The following STK32A variants were observed in gnomAD, a reference collection of about 807,000 sequenced individuals.
The protein encoded by STK32A is serine/threonine-protein kinase 32A.
STK32A carries 41 observed loss-of-function variants against 53.2 expected under a neutral mutation model. The observed-to-expected ratio is 0.77, with a 90% CI of 0.60 to 1.00. The LOEUF (loss-of-function observed/expected upper bound fraction) is 1.00, where lower values mean the gene tolerates loss of function less well. STK32A is among the 50% of genes least tolerant of loss of function. The probability of loss-of-function intolerance (pLI) is 0.00; values close to 1 mark genes in which losing one functional copy is unlikely to be tolerated. For synonymous variants in STK32A, 166 were observed against 162.8 expected, an observed-to-expected ratio of 1.02 and a Z score of -0.15; for missense variants, 458 against 485.8, an observed-to-expected ratio of 0.94 and a Z score of 0.54.
the STK32A span, chr5:147,395,490 C>T: frequency 6.5e-7 from 1 of 1,531,830 alleles, no homozygotes; most frequent in Non-Finnish European, 8.8e-7. Flanking sequence ...GAGGAACACC[C>T]TGTGGCCTCA....
chr5:147,258,700 A>G (rs201363332), intron 2 of STK32A, among the ~76,000 whole-genome samples: 1 of 149,720 alleles, frequency 6.7e-6, no homozygotes, highest in Admixed American at 6.7e-5. Context: ...TTTTTTTTTA[A>G]GATAATCATT....
At chr5:147,394,188 C>T in the STK32A span, 1 of 1,533,426 alleles carries the variant, frequency 6.5e-7, no homozygotes. Flanking sequence ...GGGATGTGGG[C>T]AAGAGAGAAA....
chr5:147,288,781 G>A (rs1752464187), intron 4 of STK32A, among the ~76,000 whole-genome samples: 1 of 152,216 alleles, frequency 6.6e-6, no homozygotes, highest in South Asian at 2.1e-4. Context: ...TCCAGCATTG[G>A]GGATTACAAT....
intron 7 of STK32A, among the ~76,000 whole-genome samples, chr5:147,358,288 T>G (rs1028646350): frequency 6.6e-6 from 1 of 152,096 alleles, no homozygotes; most frequent in African/African-American, 2.4e-5. Context: ...TATTGCCAAG[T>G]GTGGGTAAGG....
At chr5:147,398,158 T>C in the STK32A span, among the ~76,000 whole-genome samples, 1 of 152,210 alleles carries the variant, frequency 6.6e-6, no homozygotes, top group African/African-American at 2.4e-5. Context: ...CTGTCTTGTA[T>C]TGAGCAGGTG....
intron 5 of STK32A, among the ~76,000 whole-genome samples, chr5:147,339,538 A>G (rs1033612454): frequency 3.3e-5 from 5 of 152,246 alleles, no homozygotes; most frequent in African/African-American, 1.2e-4. Flanking sequence ...ACCATCTTCC[A>G]GACACCAGAA....
chr5:147,388,766 A>C (rs560856797), downstream of STK32A, among the ~76,000 whole-genome samples: 137 of 152,276 alleles, frequency 9.0e-4, no homozygotes, highest in African/African-American at 3.2e-3. Flanking sequence ...GCCACTGAAC[A>C]GCTCCACCCT....
intron 3 of STK32A, 98 bp from the exon 4 acceptor site, chr5:147,279,149 G>A: frequency 8.5e-7 from 1 of 1,177,264 alleles, no homozygotes; most frequent in Non-Finnish European, 1.1e-6. Context: ...CAAATGTTAA[G>A]GATCCAAGCC....
intron 4 of STK32A, among the ~76,000 whole-genome samples, chr5:147,280,352 C>A (rs901484430): frequency 2.6e-4 from 35 of 134,064 alleles, no homozygotes; most frequent in African/African-American, 8.1e-4. Flanking sequence ...GAGCCTGGGG[C>A]AGGTTTTCAA....
rs1350187994 is a variant in STK32A at position 147,265,079 on chromosome 5, C to T, written c.53-13045C>T. On this transcript the variant is annotated intron_variant, in intron 2 of 12. Transcript: ENST00000397936. Reference sequence around the variant, plus strand: ...GTATTTTTTATACTGATAGCATATTCGTTTTATATATATGTGTGTATATAT... The same window carrying T: ...GTATTTTTTATACTGATAGCATATTTGTTTTATATATATGTGTGTATATAT... Among the ~76,000 whole-genome samples, 5 of 89,282 alleles carry T rather than the reference C, an allele frequency of 5.6e-5. No homozygotes were observed. In the South Asian group the frequency reaches 8.9e-4, roughly 16 times the overall value. The allele number at this position is 89,282 out of a possible 152,430, so 58.6% of individuals were successfully genotyped here.
the STK32A span, chr5:147,400,958 C>T: frequency 0.24 from 305,387 of 1,249,756 alleles, 38,898 homozygotes; most frequent in East Asian, 0.38. Flanking sequence ...GCCTCCTCTA[C>T]CTCTTACTAG....
chr5:147,264,009 G>A (rs2895679), intron 2 of STK32A, among the ~76,000 whole-genome samples: 45,099 of 152,056 alleles, frequency 0.3, 7,060 homozygotes, highest in African/African-American at 0.36. Flanking sequence ...GCAATGTGTG[G>A]AAAGGTAGAA....
chr5:147,398,072 C>T, the STK32A span, among the ~76,000 whole-genome samples: 2 of 152,098 alleles, frequency 1.3e-5, no homozygotes, highest in Non-Finnish European at 2.9e-5. Context: ...TAATAAGGTC[C>T]TCAAGTGGAA....
intron 2 of STK32A, among the ~76,000 whole-genome samples, chr5:147,240,354 GT>G (rs1753518601): frequency 6.6e-6 from 1 of 152,100 alleles, no homozygotes; most frequent in Non-Finnish European, 1.5e-5. Context: ...TTTATAGGTT[GT>G]CTGGGGGAAA....
chr5:147,252,130 G>A (rs1437393065), intron 2 of STK32A, among the ~76,000 whole-genome samples: 4 of 152,076 alleles, frequency 2.6e-5, no homozygotes, highest in African/African-American at 9.7e-5. Context: ...CTGGGCAACA[G>A]AGCAAGACCC....
At chr5:147,334,968 T>G (rs893121119) in intron 5 of STK32A, among the ~76,000 whole-genome samples, 2 of 152,222 alleles carry the variant, frequency 1.3e-5, no homozygotes, top group African/African-American at 4.8e-5. Context: ...TTTTCCCTTT[T>G]GTACATACCT....
chr5:147,321,028 C>G (rs780979444), intron 4 of STK32A, among the ~76,000 whole-genome samples: 4 of 152,166 alleles, frequency 2.6e-5, no homozygotes, highest in Non-Finnish European at 4.4e-5. Context: ...TATGAACAGC[C>G]TATTGCAATG....
chr5:147,238,406 C>T (rs539364171), intron 1 of STK32A, among the ~76,000 whole-genome samples: 1 of 152,278 alleles, frequency 6.6e-6, no homozygotes, highest in Admixed American at 6.5e-5. Flanking sequence ...TCATTTCCCC[C>T]ATTCTAGAGG....
chr5:147,286,472 T>C (rs1287359384), intron 4 of STK32A, among the ~76,000 whole-genome samples: 3 of 152,162 alleles, frequency 2.0e-5, no homozygotes, highest in African/African-American at 7.2e-5. Context: ...CAGCTTGGCT[T>C]ACACCCTGGT....
Sources: allele counts gnomAD v4.1 joint callset (sites outside exome capture counted in the v4.1 genomes callset), GRCh38; gene constraint gnomAD v4.1.1; transcripts MANE v1.5; gene names NCBI Gene and HGNC (gene_info 2026-07-23, HGNC 2026-07-21).